MGLL: variants seen among roughly 807,000 people sequenced by gnomAD.
The protein encoded by MGLL is lysophospholipase homolog.
A neutral mutation model predicts 29.1 loss-of-function variants in MGLL; 7 were observed. That is an observed-to-expected ratio of 0.24 (90% CI 0.14 to 0.45). The LOEUF is 0.45. Among genes scored for constraint, MGLL ranks in the 20% least tolerant of loss-of-function variants. The pLI, the probability that MGLL is intolerant of heterozygous loss-of-function variation, is 0.99. For missense variants in MGLL, 356 were observed against 413.6 expected, an observed-to-expected ratio of 0.86 and a Z score of 1.21; for synonymous variants, 148 against 168.3, an observed-to-expected ratio of 0.88 and a Z score of 0.93.
At chr3:127,781,957 A>C in intron 2 of MGLL, 62 bp from the exon 3 acceptor site, 2 of 1,500,456 alleles carry the variant, frequency 1.3e-6, no homozygotes, top group Non-Finnish European at 1.8e-6. Context: ...GCGGTGGCTC[A>C]TGCCTACAAT....
intron 1 of MGLL, 25 bp from the exon 2 acceptor site, chr3:127,821,863 A>G (rs1262762215): frequency 1.2e-6 from 2 of 1,609,666 alleles, no homozygotes; most frequent in East Asian, 4.5e-5. Flanking sequence ...GACATATTCC[A>G]AAGTCAGAAA....
At chr3:127,751,991 C>G (rs2076567608) in intron 3 of MGLL, among the ~76,000 whole-genome samples, 1 of 152,170 alleles carries the variant, frequency 6.6e-6, no homozygotes, top group Admixed American at 6.5e-5. Flanking sequence ...TTTAAAGTAA[C>G]AAAATACATG....
chr3:127,747,948 G>A (rs1376959414), intron 3 of MGLL, among the ~76,000 whole-genome samples: 3 of 152,190 alleles, frequency 2.0e-5, no homozygotes, highest in Non-Finnish European at 4.4e-5. Context: ...TGGCACTCGG[G>A]GACCTGGTGT....
At chr3:127,751,761 A>C (rs1447851536) in intron 3 of MGLL, among the ~76,000 whole-genome samples, 1 of 152,194 alleles carries the variant, frequency 6.6e-6, no homozygotes, top group African/African-American at 2.4e-5. Context: ...CCCAAAAAAT[A>C]AAATAAAACT....
chr3:127,759,076 G>C (rs1259162969), intron 3 of MGLL, among the ~76,000 whole-genome samples: 1 of 151,974 alleles, frequency 6.6e-6, no homozygotes, highest in Non-Finnish European at 1.5e-5. Flanking sequence ...ACAGGTACAT[G>C]CCACCAAGCC....
At chr3:127,739,618 C>T (rs1246500649) in intron 3 of MGLL, among the ~76,000 whole-genome samples, 1 of 152,166 alleles carries the variant, frequency 6.6e-6, no homozygotes, top group East Asian at 1.9e-4. Context: ...TCCTTTGGCT[C>T]ATACGTGATA....
At chr3:127,797,420 G>A (rs2077402816) in intron 2 of MGLL, among the ~76,000 whole-genome samples, 1 of 152,082 alleles carries the variant, frequency 6.6e-6, no homozygotes, top group Non-Finnish European at 1.5e-5. Flanking sequence ...TCCGCATGCA[G>A]CCTATTTTCT....
At chr3:127,780,048 G>A (rs554797627) in intron 3 of MGLL, among the ~76,000 whole-genome samples, 12 of 152,256 alleles carry the variant, frequency 7.9e-5, no homozygotes, top group Admixed American at 4.6e-4. Context: ...AGCCATTTTC[G>A]CACTATATTT....
At chr3:127,735,729 C>T (rs202091016) in intron 3 of MGLL, 32 of 1,598,038 alleles carry the variant, frequency 2.0e-5, no homozygotes, top group Non-Finnish European at 2.5e-5. Flanking sequence ...GTTTCCAGCA[C>T]GTGCTCGCTC....
chr3:127,740,893 G>A (rs1255116222), intron 3 of MGLL, among the ~76,000 whole-genome samples: 1 of 152,200 alleles, frequency 6.6e-6, no homozygotes, highest in African/African-American at 2.4e-5. Context: ...CAGGGCCTAG[G>A]GGAGTAGAAC....
At chr3:127,740,872 G>A (rs60152513) in intron 3 of MGLL, among the ~76,000 whole-genome samples, 9,980 of 152,266 alleles carry the variant, frequency 0.066, 356 homozygotes, top group Non-Finnish European at 0.083. Context: ...AAAGTGTTCT[G>A]TTCAGCCAGG....
chr3:127,817,988 T>A (rs1274176829), intron 2 of MGLL, among the ~76,000 whole-genome samples: 1 of 152,126 alleles, frequency 6.6e-6, no homozygotes, highest in African/African-American at 2.4e-5. Flanking sequence ...TGAGATGGAG[T>A]CTTGCTCTGT....
At chr3:127,717,770 G>A (rs1298759643) in intron 5 of MGLL, among the ~76,000 whole-genome samples, 2 of 152,174 alleles carry the variant, frequency 1.3e-5, no homozygotes, top group Admixed American at 6.5e-5. Context: ...GCAGCCTGCA[G>A]TTGCTCCTGA....
At chr3:127,812,145 C>A (rs919696319) in intron 2 of MGLL, among the ~76,000 whole-genome samples, 2 of 152,186 alleles carry the variant, frequency 1.3e-5, no homozygotes, top group Non-Finnish European at 2.9e-5. Context: ...AAGACATGGA[C>A]CACTGAAAAT....
At chr3:127,748,628 C>A (rs993283997) in intron 3 of MGLL, among the ~76,000 whole-genome samples, 34 of 151,674 alleles carry the variant, frequency 2.2e-4, no homozygotes, top group Non-Finnish European at 4.4e-5. Context: ...CATGTGAGGA[C>A]ACAGGGAGAA....
At chr3:127,735,956 A>G in intron 3 of MGLL, 8 of 1,469,842 alleles carry the variant, frequency 5.4e-6, no homozygotes, top group Non-Finnish European at 7.2e-6. Context: ...CTTAGAGTGC[A>G]AGCGTTAAAC....
chr3:127,720,778 TAAC>T (rs1238690392), intron 5 of MGLL, among the ~76,000 whole-genome samples: 1 of 152,144 alleles, frequency 6.6e-6, no homozygotes, highest in Non-Finnish European at 1.5e-5. Flanking sequence ...GCTGGACAAA[TAAC>T]AAGTCTAACC....
At chr3:127,735,881 C>T in intron 3 of MGLL, 11 of 1,572,096 alleles carry the variant, frequency 7.0e-6, no homozygotes, top group Non-Finnish European at 9.4e-6. Flanking sequence ...CAAGGATTTT[C>T]TCCTGTTCAG....
At chr3:127,770,258 G>C (rs994887093) in intron 3 of MGLL, among the ~76,000 whole-genome samples, 8 of 152,134 alleles carry the variant, frequency 5.3e-5, no homozygotes, top group South Asian at 4.1e-4. Flanking sequence ...CTGGCCTCAA[G>C]CGATCCTCCC....
Sources: allele counts gnomAD v4.1 joint callset (sites outside exome capture counted in the v4.1 genomes callset), GRCh38; gene constraint gnomAD v4.1.1; transcripts MANE v1.5; gene names NCBI Gene and HGNC (gene_info 2026-07-23, HGNC 2026-07-21).